ZNF91: variants seen among roughly 807,000 people sequenced by gnomAD.
The protein encoded by ZNF91 is zinc finger protein 91.
A neutral mutation model predicts 12.6 loss-of-function variants in ZNF91; 7 were observed. The ratio of observed to expected loss-of-function variants is 0.55; its 90% CI spans 0.31 to 1.04. ZNF91 has a LOEUF of 1.04. Among genes scored for constraint, ZNF91 ranks in the 50% least tolerant of loss-of-function variants. The pLI, the probability that ZNF91 is intolerant of heterozygous loss-of-function variation, is 0.05. For synonymous variants in ZNF91, 453 were observed against 462.6 expected, an observed-to-expected ratio of 0.98 and a Z score of 0.27; for missense variants, 1,217 against 1,385.4, an observed-to-expected ratio of 0.88 and a Z score of 1.93.
chr19:23,324,221 CCT>C (rs746943085), intron 1 of ZNF91: 1 of 152,238 alleles, frequency 6.6e-6, no homozygotes, highest in Non-Finnish European at 1.5e-5. Flanking sequence ...TTTCTCCTCT[CCT>C]CTCCTGGTCC....
At chr19:23,362,802 T>C (rs1968867082) in intron 3 of ZNF91, 77 bp from the exon 4 acceptor site, 2 of 1,296,806 alleles carry the variant, frequency 1.5e-6, no homozygotes, top group African/African-American at 1.5e-5. Flanking sequence ...AAATCTTACC[T>C]ACAAAATTAT....
chr19:23,305,228 A>C (rs754956511), intron 3 of ZNF91: 65 of 152,228 alleles, frequency 4.3e-4, no homozygotes, highest in South Asian at 8.3e-4. Context: ...AAACACATAC[A>C]ATATATAAAT....
At chr19:23,374,580 A>G in intron 2 of ZNF91, 58 bp downstream of exon 2, 2 of 1,428,152 alleles carry the variant, frequency 1.4e-6, no homozygotes, top group African/African-American at 1.5e-5. Flanking sequence ...AAAAAAAAAA[A>G]GAAAAGAAGT....
intron 1 of ZNF91, among the ~76,000 whole-genome samples, chr19:23,387,619 C>T (rs1969914250): frequency 1.3e-5 from 2 of 151,908 alleles, no homozygotes; most frequent in Admixed American, 6.6e-5. Context: ...CACCTGTGGC[C>T]CCAGCTACTT....
intron 1 of ZNF91, among the ~76,000 whole-genome samples, chr19:23,331,055 T>G (rs1013852602): frequency 7.9e-5 from 12 of 152,232 alleles, no homozygotes; most frequent in Admixed American, 6.5e-4. Flanking sequence ...TGCTGGATAA[T>G]GGTGACCATA....
chr19:23,343,045 T>C (rs1451510657), intron 3 of ZNF91, among the ~76,000 whole-genome samples: 1 of 152,210 alleles, frequency 6.6e-6, no homozygotes, highest in East Asian at 1.9e-4. Flanking sequence ...TTTTGCATTC[T>C]GAGGAAAGAA....
chr19:23,344,746 G>A (rs1429711322), intron 3 of ZNF91, among the ~76,000 whole-genome samples: 2 of 152,130 alleles, frequency 1.3e-5, no homozygotes, highest in Non-Finnish European at 2.9e-5. Flanking sequence ...AGATTCTCCC[G>A]AAAACTTAAG....
At chr19:23,321,708 A>T (rs547482611) in intron 1 of ZNF91, among the ~76,000 whole-genome samples, 2 of 152,250 alleles carry the variant, frequency 1.3e-5, no homozygotes, top group East Asian at 3.9e-4. Flanking sequence ...ACTCTGTCAA[A>T]AAGGGGGCAT....
In ZNF91 at chr19:23,395,439, C is replaced by G. The variant is rs1022404908; in HGVS notation, c.-85G>C. ...AGCAGAGGACACAGAGCAGTGAAGT[C>G]GAGACCTGGAAACTCCGGCGGCAGC... is the stretch of plus-strand genomic sequence containing the variant. On this transcript the variant is annotated 5_prime_UTR_variant, in exon 1 of 4. Transcript: ENST00000300619. 2.0e-6 allele frequency: 3 copies of G among 1,531,266 alleles called. No individual in the cohort carries two copies. Among genetic ancestry groups the G allele is most frequent in the Non-Finnish European group, 2.7e-6 (3 of 1,124,582 alleles). The allele number at this position is 1,531,266 out of a possible 1,614,324, so 94.9% of individuals were successfully genotyped here.
At chr19:23,312,494 C>G (rs1967486807), upstream of ZNF91, among the ~76,000 whole-genome samples, 1 of 152,186 alleles carries the variant, frequency 6.6e-6, no homozygotes, top group Non-Finnish European at 1.5e-5. Context: ...GTCCAAGACA[C>G]AGGTGAGGTT....
In ZNF91 at chr19:23,358,036, T is replaced by G. The variant is rs1473589801; in HGVS notation, c.*1367A>C. The G allele has an allele frequency of 6.6e-6, 1 of 152,052 alleles. No individual in the cohort carries two copies. The highest frequency in any genetic ancestry group is 1.5e-5 in the Non-Finnish European group (1 of 67,960). 9.4% of individuals were successfully genotyped at this position (152,052 alleles called of 1,614,324 possible). A position where few individuals can be genotyped will look rare whatever the true frequency, so the allele number is the denominator to read the frequency against. ...TAACTTAATGGCAATTAAAACTCAC[T>G]GGCAAAAAAAATCACTAGAGATGTC... is the stretch of plus-strand genomic sequence containing the variant. On this transcript the variant is annotated 3_prime_UTR_variant, in exon 4 of 4. Coordinates refer to ENST00000300619, the MANE Select transcript of ZNF91 (RefSeq NM_003430.4).
At chr19:23,351,307 G>C (rs374059617) in intron 3 of ZNF91, among the ~76,000 whole-genome samples, 61 of 145,048 alleles carry the variant, frequency 4.2e-4, no homozygotes, top group Non-Finnish European at 7.9e-4. Context: ...TGGGGAGACA[G>C]AGCAAGACTC....
At position 23,362,426 on chromosome 19, in the gene ZNF91, T is replaced by G; in HGVS notation, c.553A>C (p.Lys185Gln). 6.2e-7 allele frequency: 1 copy of G among 1,614,038 alleles called. No homozygotes were observed. Among genetic ancestry groups the G allele is most frequent in the Non-Finnish European group, 8.5e-7 (1 of 1,179,990 alleles). ...ATGCAAAATGACTTGACACATTTTTTACATTTGAAGCATTTCTTTCCAGTA... is the reference window on the plus strand; with the variant it reads ...ATGCAAAATGACTTGACACATTTTTGACATTTGAAGCATTTCTTTCCAGTA... The part of the protein sequence containing the change: ...RHTGKKCFKC[K>Q]KCVKSFCIRL... The change falls in exon 4 of 4, where the codon AAA becomes CAA. Residue 185 changes from lysine to glutamine, a missense_variant. By Grantham distance (53) the Lys-to-Gln change is moderately conservative (BLOSUM62 1). Coordinates refer to ENST00000300619, the MANE Select transcript of ZNF91 (RefSeq NM_003430.4).
intron 1 of ZNF91, chr19:23,324,448 A>G (rs1299189776): frequency 6.6e-6 from 1 of 152,038 alleles, no homozygotes; most frequent in Non-Finnish European, 1.5e-5. Flanking sequence ...GCTGCGCTAG[A>G]AAGAACTGAT....
Position 23,359,809 on chromosome 19 carries a change from T to A in ZNF91, c.3170A>T (p.Lys1057Ile). Residue 1057 changes from lysine to isoleucine, a missense_variant, in exon 4 of 4, where the codon AAA becomes ATA. Physicochemically the swap from Lys to Ile is moderately radical, Grantham distance 102. Around this residue, in one of 2 missense-constraint regions of ZNF91, gnomAD observed 491 missense variants for 489.8 expected, o/e 1.00. Coordinates refer to ENST00000300619, the MANE Select transcript of ZNF91 (RefSeq NM_003430.4). ...TAGGGTTGAGGATGATATAAATGCT[T>A]TGCCACATTCTTCACACTTGTAAGG... ...EKPYKCEECG[K>I]AFISSSTLNG... The A allele has an allele frequency of 6.2e-7, 1 of 1,614,028 alleles. No homozygotes were observed. Among genetic ancestry groups the A allele is most frequent in the East Asian group, 2.2e-5 (1 of 44,852 alleles).
chr19:23,388,778 G>A (rs1034100331), intron 1 of ZNF91, among the ~76,000 whole-genome samples: 2 of 152,130 alleles, frequency 1.3e-5, no homozygotes, highest in Non-Finnish European at 2.9e-5. Context: ...GGAGGCTGGG[G>A]ATGGAGAATT....
At chr19:23,378,625 G>A (rs1444641573) in intron 1 of ZNF91, among the ~76,000 whole-genome samples, 1 of 151,998 alleles carries the variant, frequency 6.6e-6, no homozygotes, top group East Asian at 1.9e-4. Context: ...TCTTAGCAGG[G>A]CATAAAAAAT....
intron 1 of ZNF91, chr19:23,384,427 A>G: frequency 3.3e-6 from 1 of 299,266 alleles, no homozygotes; most frequent in Non-Finnish European, 6.2e-6. Flanking sequence ...CTTGAGAAAA[A>G]TTTGACAGTT....
intron 1 of ZNF91, among the ~76,000 whole-genome samples, chr19:23,319,387 A>G (rs1967637019): frequency 6.6e-6 from 1 of 152,030 alleles, no homozygotes; most frequent in African/African-American, 2.4e-5. Flanking sequence ...TGACACATTT[A>G]TTTTTCTGCC....
Sources: gnomAD v4.1 joint callset for allele counts (sites outside exome capture counted in the v4.1 genomes callset) on GRCh38, gnomAD v4.1.1 for gene constraint, gnomAD v4.1.1 regional missense constraint, MANE v1.5 for transcripts, NCBI Gene and HGNC (gene_info 2026-07-23, HGNC 2026-07-21) for gene names.